Variants in DPP10 observed in about 807,000 individuals in gnomAD.
DPP10 encodes the protein inactive dipeptidyl peptidase 10.
Under a neutral mutation model 120.9 loss-of-function variants are expected in DPP10, and 33 were observed. That is an observed-to-expected ratio of 0.27 (90% CI 0.21 to 0.37). The LOEUF is 0.37. Among genes scored for constraint, DPP10 ranks in the 10% least tolerant of loss-of-function variants. DPP10 has a pLI of 1.00. For missense variants in DPP10, 816 were observed against 942.8 expected (o/e 0.87, Z 1.76); for synonymous variants, 337 against 326.1 (o/e 1.03, Z -0.36).
Position 115,590,877 on chromosome 2 carries a change from G to A in DPP10, c.441+64905G>A, listed in dbSNP as rs537284403. On this transcript the variant is annotated intron_variant, in intron 5 of 25. Transcript: ENST00000410059. ...TCGCCATTCTAACTGGTGTGAGATGGTATCTCATTGTGGTTTTGATTTGCA... is the reference window on the plus strand; with the variant it reads ...TCGCCATTCTAACTGGTGTGAGATGATATCTCATTGTGGTTTTGATTTGCA... 5.9e-5 allele frequency among the ~76,000 whole-genome samples: 9 copies of A among 152,276 alleles called. 2 individuals are homozygous for A. The South Asian group carries it at 1.9e-3, about 32-fold the overall frequency.
intron 1 of DPP10, among the ~76,000 whole-genome samples, chr2:114,930,361 T>C (rs998604290): frequency 2.0e-5 from 3 of 152,220 alleles, no homozygotes; most frequent in Non-Finnish European, 2.9e-5. Flanking sequence ...TTGTAAGCAA[T>C]TGAAAGCAGC....
chr2:114,888,122 G>A (rs1370442968), intron 1 of DPP10, among the ~76,000 whole-genome samples: 1 of 140,492 alleles, frequency 7.1e-6, no homozygotes, highest in Non-Finnish European at 1.5e-5. Context: ...CAGCCTGGGC[G>A]ACAGAGCGAG....
intron 7 of DPP10, among the ~76,000 whole-genome samples, chr2:115,704,165 T>A (rs1425898013): frequency 6.6e-6 from 1 of 151,830 alleles, no homozygotes; most frequent in Non-Finnish European, 1.5e-5. Context: ...TGAACCAAAC[T>A]CTTTGTGATT....
In DPP10 at chr2:115,703,066, G is replaced by A. The variant is rs987575868; in HGVS notation, c.576+13145G>A. On this transcript the variant is annotated intron_variant, in intron 7 of 25. Transcript: ENST00000410059. ...GTATACTTATCTATAATTGTATCAC[G>A]AAGAATGGAATAATTTCAAAAATCA... 8.6e-5 allele frequency among the ~76,000 whole-genome samples: 13 copies of A among 151,890 alleles called. 1 individual carries two copies. Among genetic ancestry groups the A allele is most frequent in the Non-Finnish European group, 1.8e-4 (12 of 67,938 alleles).
intron 7 of DPP10, among the ~76,000 whole-genome samples, chr2:115,723,387 C>T (rs1334652787): frequency 6.6e-6 from 1 of 152,058 alleles, no homozygotes; most frequent in Non-Finnish European, 1.5e-5. Context: ...GAAATTTTTC[C>T]AAGTCAACTT....
At chr2:114,506,601 A>AC (rs1478133844) in intron 1 of DPP10, among the ~76,000 whole-genome samples, 7 of 151,978 alleles carry the variant, frequency 4.6e-5, no homozygotes, top group Non-Finnish European at 8.8e-5. Flanking sequence ...TGTTGCAGGC[A>AC]CCCCCCTAGA....
At chr2:114,858,323 T>C (rs1438978405) in intron 1 of DPP10, among the ~76,000 whole-genome samples, 1 of 152,172 alleles carries the variant, frequency 6.6e-6, no homozygotes, top group Non-Finnish European at 1.5e-5. Flanking sequence ...TTTCCTCATA[T>C]ATAGAGTGAG....
chr2:114,448,677 G>T lies in DPP10; in HGVS notation c.60+5839G>T, dbSNP rs1383468174. ...GAATTACAAAATAAGACACATCTGTGCTATTGTCAGCCTGTAAGAATTGTC... is the reference window on the plus strand; with the variant it reads ...GAATTACAAAATAAGACACATCTGTTCTATTGTCAGCCTGTAAGAATTGTC... On this transcript the variant is annotated intron_variant, in intron 1 of 25. Coordinates refer to ENST00000410059, the MANE Select transcript of DPP10 (RefSeq NM_020868.6). Among the ~76,000 whole-genome samples, 9 of 152,268 alleles carry T rather than the reference G, an allele frequency of 5.9e-5. No homozygotes were observed. The East Asian group carries it at 1.2e-3, about 20-fold the overall frequency.
intron 3 of DPP10, among the ~76,000 whole-genome samples, chr2:115,372,644 A>C (rs1468420649): frequency 6.6e-6 from 1 of 152,186 alleles, no homozygotes; most frequent in Non-Finnish European, 1.5e-5. Flanking sequence ...TCAGCAACTG[A>C]ATGAGAGAAA....
chr2:115,351,559 A>G (rs1381431261), intron 3 of DPP10, among the ~76,000 whole-genome samples: 1 of 152,036 alleles, frequency 6.6e-6, no homozygotes, highest in Non-Finnish European at 1.5e-5. Context: ...AAAAAGTAAA[A>G]ACACATAGGA....
rs184498803 is a variant in DPP10, at chr2:114,701,002, G to A, written c.60+258164G>A. The stretch of plus-strand genomic sequence containing the variant: ...GAGAACGTGTAGGAGCTTTGTGATG[G>A]TGTACTAGTATCATTGTTATTATTA... On this transcript the variant is annotated intron_variant, in intron 1 of 25. Coordinates refer to ENST00000410059, the MANE Select transcript of DPP10 (RefSeq NM_020868.6). Among the ~76,000 whole-genome samples, 637 of 152,094 alleles carry A rather than the reference G, an allele frequency of 4.2e-3. 17 individuals carry two copies. Among genetic ancestry groups the A allele is most frequent in the Admixed American group, 0.038 (573 of 15,258 alleles).
At chr2:115,067,884 A>G (rs1707046701) in intron 1 of DPP10, among the ~76,000 whole-genome samples, 1 of 149,498 alleles carries the variant, frequency 6.7e-6, no homozygotes, top group African/African-American at 2.5e-5. Context: ...AAAAAAAGAA[A>G]AAAAAGAAAA....
chr2:114,831,313 A>T (rs1367017527), intron 1 of DPP10, among the ~76,000 whole-genome samples: 1 of 152,102 alleles, frequency 6.6e-6, no homozygotes, highest in Non-Finnish European at 1.5e-5. Flanking sequence ...GATATTTGTA[A>T]TATATTTCTG....
At chr2:115,750,171 G>A in intron 10 of DPP10, 3 of 985,274 alleles carry the variant, frequency 3.0e-6, no homozygotes, top group Non-Finnish European at 3.6e-6. Flanking sequence ...CAGCAGGCAG[G>A]CCAACGAGTG....
At chr2:114,502,970 A>AGATGACAG (rs1683328715) in intron 1 of DPP10, among the ~76,000 whole-genome samples, 1 of 152,202 alleles carries the variant, frequency 6.6e-6, no homozygotes, top group Non-Finnish European at 1.5e-5. Context: ...AGATGACATA[A>AGATGACAG]AAGTGCGTGT....
At chr2:115,545,274 CA>C (rs1422614098) in intron 5 of DPP10, among the ~76,000 whole-genome samples, 1 of 152,116 alleles carries the variant, frequency 6.6e-6, no homozygotes. Context: ...CATATCTACT[CA>C]TTCATTTTTA....
rs1326768039 is a variant in DPP10, at chr2:115,845,317, C to CA, written c.*2973dup. 1 of 152,238 alleles carries CA rather than the reference C, an allele frequency of 6.6e-6. No individual in the cohort carries two copies. Among genetic ancestry groups the CA allele is most frequent in the East Asian group, 1.9e-4 (1 of 5,190 alleles). 9.4% of individuals were successfully genotyped at this position (152,238 alleles called of 1,614,324 possible). A position where few individuals can be genotyped will look rare whatever the true frequency, so the allele number is the denominator to read the frequency against. On this transcript the variant is annotated 3_prime_UTR_variant, in exon 26 of 26. Coordinates refer to ENST00000410059, the MANE Select transcript of DPP10 (RefSeq NM_020868.6). ...ACTGTATGGATACAATCTGGCCTCT[C>CA]AGCTCTGCTCACTTTCACTTTCTGT...
chr2:114,486,887 T>C (rs1403659176), intron 1 of DPP10, among the ~76,000 whole-genome samples: 1 of 152,204 alleles, frequency 6.6e-6, no homozygotes, highest in Non-Finnish European at 1.5e-5. Context: ...CAATCAACCA[T>C]TTCAATCTCC....
Position 115,768,401 on chromosome 2 carries a change from C to T in DPP10, c.1218C>T (p.Ile406=). The stretch of plus-strand genomic sequence containing the variant: ...TTCACCACGTAGCTATGTTCCTCAT[C>T]CAGGTAAGTGCTGGCTTTTTTCCAT... ...GEFHHVAMFL[I]QSKSEQITVR... The change falls in exon 13 of 26, where the codon ATC becomes ATT. Residue 406 remains isoleucine, a synonymous_variant. Coordinates refer to ENST00000410059, the MANE Select transcript of DPP10 (RefSeq NM_020868.6). 1 of 1,611,982 alleles carries T rather than the reference C, an allele frequency of 6.2e-7. No homozygotes were observed. The highest frequency in any genetic ancestry group is 8.5e-7 in the Non-Finnish European group (1 of 1,178,486).
Sources: allele counts gnomAD v4.1 joint callset (sites outside exome capture counted in the v4.1 genomes callset), GRCh38; gene constraint gnomAD v4.1.1; transcripts MANE v1.5; gene names NCBI Gene and HGNC (gene_info 2026-07-23, HGNC 2026-07-21).